Variants in ADK observed in about 807,000 individuals in gnomAD.
ADK encodes the protein adenosine kinase.
Under a neutral mutation model 44.7 loss-of-function variants are expected in ADK, and 24 were observed. The observed-to-expected ratio is 0.54, with a 90% CI of 0.39 to 0.76. The LOEUF (loss-of-function observed/expected upper bound fraction) is 0.76, where lower values mean the gene tolerates loss of function less well. ADK is among the 30% of genes least tolerant of loss of function. ADK has a pLI of 0.00. For missense variants in ADK, 321 were observed against 425.1 expected (o/e 0.76, Z 2.15); for synonymous variants, 128 against 142.6 (o/e 0.90, Z 0.73).
At chr10:74,182,348 T>TTTTTTTTATTTA (rs1554826373) in intron 1 of ADK, among the ~76,000 whole-genome samples, 37 of 145,652 alleles carry the variant, frequency 2.5e-4, no homozygotes, top group Non-Finnish European at 2.6e-4. Context: ...ACAGAAATCT[T>TTTTTTTTATTTA]TTTATTTATT....
intron 8 of ADK, among the ~76,000 whole-genome samples, chr10:74,596,857 C>G (rs747283182): frequency 6.6e-5 from 10 of 152,058 alleles, no homozygotes; most frequent in Non-Finnish European, 1.5e-4. Context: ...TTAATGAATA[C>G]TTTAGAGCTT....
At chr10:74,228,302 T>C (rs993912586) in intron 3 of ADK, among the ~76,000 whole-genome samples, 3 of 152,188 alleles carry the variant, frequency 2.0e-5, no homozygotes, top group Admixed American at 1.3e-4. Context: ...ACTGAAGACC[T>C]TGGGGGATGA....
chr10:74,219,246 C>A (rs1485064805), intron 2 of ADK, among the ~76,000 whole-genome samples: 1 of 151,006 alleles, frequency 6.6e-6, no homozygotes, highest in African/African-American at 2.4e-5. Context: ...AGACTTTAAA[C>A]CAACAAAGAT....
intron 10 of ADK, among the ~76,000 whole-genome samples, chr10:74,685,560 C>T (rs918433262): frequency 6.6e-6 from 1 of 152,186 alleles, no homozygotes; most frequent in Admixed American, 6.5e-5. Context: ...AGAGCTTGCT[C>T]TTCTAATTTT....
chr10:74,326,964 G>C (rs1367233172), intron 4 of ADK, among the ~76,000 whole-genome samples: 1 of 150,636 alleles, frequency 6.6e-6, no homozygotes, highest in Non-Finnish European at 1.5e-5. Flanking sequence ...TGTTGCTTTT[G>C]GCTATCTTTT....
chr10:74,475,200 A>G (rs1332386698), intron 6 of ADK, among the ~76,000 whole-genome samples: 2 of 152,166 alleles, frequency 1.3e-5, no homozygotes, highest in African/African-American at 4.8e-5. Context: ...AATAGGGCTC[A>G]TGGATATTTA....
intron 9 of ADK, among the ~76,000 whole-genome samples, chr10:74,665,352 G>A (rs1854906840): frequency 6.6e-6 from 1 of 152,140 alleles, no homozygotes; most frequent in Admixed American, 6.5e-5. Flanking sequence ...TCACTTTCTG[G>A]AGAAGTTTTT....
At chr10:74,315,134 G>T (rs1840572055) in intron 4 of ADK, among the ~76,000 whole-genome samples, 1 of 151,852 alleles carries the variant, frequency 6.6e-6, no homozygotes, top group Non-Finnish European at 1.5e-5. Flanking sequence ...CTGTGCCTTA[G>T]TTCTTAATGT....
intron 4 of ADK, among the ~76,000 whole-genome samples, chr10:74,364,687 G>GGTGTGTGTGT (rs58295310): frequency 4.6e-4 from 63 of 136,456 alleles, no homozygotes; most frequent in South Asian, 1.8e-3. Flanking sequence ...CAAAGGCTAT[G>GGTGTGTGTGT]GTGTGTGTGT....
At chr10:74,703,657 C>T (rs1250570035) in intron 10 of ADK, among the ~76,000 whole-genome samples, 1 of 152,128 alleles carries the variant, frequency 6.6e-6, no homozygotes, top group Non-Finnish European at 1.5e-5. Context: ...GAGAAAATTT[C>T]CATAAAGGAT....
At chr10:74,381,811 CATT>C (rs1842983856) in intron 4 of ADK, among the ~76,000 whole-genome samples, 1 of 152,298 alleles carries the variant, frequency 6.6e-6, no homozygotes, top group African/African-American at 2.4e-5. Flanking sequence ...CATAGTTCAT[CATT>C]GTCAATAAAC....
intron 7 of ADK, among the ~76,000 whole-genome samples, chr10:74,565,715 G>A (rs1264035195): frequency 2.3e-5 from 2 of 86,530 alleles, no homozygotes; most frequent in Admixed American, 1.9e-4. Context: ...CAACAAGAGC[G>A]AAACTCCGTC....
intron 3 of ADK, among the ~76,000 whole-genome samples, chr10:74,249,096 C>T (rs936600106): frequency 6.6e-6 from 1 of 152,054 alleles, no homozygotes; most frequent in Non-Finnish European, 1.5e-5. Context: ...AAATTCTCTT[C>T]GGTTGTTGCT....
intron 4 of ADK, among the ~76,000 whole-genome samples, chr10:74,330,977 CCT>C (rs1564657480): frequency 2.0e-5 from 3 of 152,002 alleles, no homozygotes; most frequent in African/African-American, 7.2e-5. Flanking sequence ...GTTTTTAATC[CCT>C]CTTTTCTGTA....
intron 4 of ADK, among the ~76,000 whole-genome samples, chr10:74,391,345 A>C (rs1352327958): frequency 6.6e-6 from 1 of 152,034 alleles, no homozygotes; most frequent in Non-Finnish European, 1.5e-5. Flanking sequence ...AAATTTTAAC[A>C]TGTTTCAGAA....
chr10:74,188,719 A>C (rs11000912), intron 1 of ADK, among the ~76,000 whole-genome samples: 20,001 of 151,768 alleles, frequency 0.13, 1,322 homozygotes, highest in Middle Eastern at 0.21. Context: ...AGAAGTTTAG[A>C]TTATTGTTTT....
At chr10:74,559,013 T>A (rs1304939343) in intron 7 of ADK, among the ~76,000 whole-genome samples, 1 of 152,222 alleles carries the variant, frequency 6.6e-6, no homozygotes, top group Non-Finnish European at 1.5e-5. Context: ...GCCTCATAGG[T>A]CCCATGCATT....
At chr10:74,629,516 C>G (rs1002183679) in intron 9 of ADK, among the ~76,000 whole-genome samples, 2 of 152,166 alleles carry the variant, frequency 1.3e-5, no homozygotes, top group African/African-American at 4.8e-5. Flanking sequence ...CCAGTTGCAA[C>G]TTAACTACTG....
intron 1 of ADK, among the ~76,000 whole-genome samples, chr10:74,190,948 A>G (rs1842933581): frequency 6.6e-6 from 1 of 151,368 alleles, no homozygotes; most frequent in Non-Finnish European, 1.5e-5. Flanking sequence ...CTTTTTGGTT[A>G]ATATTCAGAG....
Sources: allele counts gnomAD v4.1 joint callset (sites outside exome capture counted in the v4.1 genomes callset), GRCh38; gene constraint gnomAD v4.1.1; transcripts MANE v1.5; gene names NCBI Gene and HGNC (gene_info 2026-07-23, HGNC 2026-07-21).